The following LRMDA variants were observed in gnomAD, a reference collection of about 807,000 sequenced individuals.
LRMDA encodes leucine rich melanocyte differentiation associated.
A neutral mutation model predicts 29.8 loss-of-function variants in LRMDA; 18 were observed. The observed-to-expected ratio is 0.60, with a 90% confidence interval of 0.42 to 0.90. LRMDA has a LOEUF of 0.90. Ranked by LOEUF, LRMDA falls within the 40% of genes least tolerant of loss-of-function variation. The pLI is 0.00. For missense variants in LRMDA, 273 were observed against 273.9 expected (o/e 1.00, Z 0.02); for synonymous variants, 125 against 109.4 (o/e 1.14, Z -0.89).
intron 2 of LRMDA, among the ~76,000 whole-genome samples, chr10:75,522,998 T>C (rs1845377845): frequency 6.6e-6 from 1 of 152,200 alleles, no homozygotes; most frequent in Non-Finnish European, 1.5e-5. Flanking sequence ...TCAGATGACC[T>C]GGCCTGGCCC....
chr10:75,834,836 T>C (rs1844406126), intron 2 of LRMDA, among the ~76,000 whole-genome samples: 1 of 152,128 alleles, frequency 6.6e-6, no homozygotes, highest in African/African-American at 2.4e-5. Context: ...TCTAAGACAG[T>C]GTTGGTTTCT....
intron 2 of LRMDA, among the ~76,000 whole-genome samples, chr10:75,711,644 T>C (rs1352341441): frequency 3.9e-5 from 6 of 152,170 alleles, no homozygotes; most frequent in African/African-American, 1.4e-4. Flanking sequence ...TCATAGCTTA[T>C]TGTGAATAGG....
intron 2 of LRMDA, among the ~76,000 whole-genome samples, chr10:75,580,423 C>G (rs1261290518): frequency 6.6e-6 from 1 of 152,118 alleles, no homozygotes; most frequent in Non-Finnish European, 1.5e-5. Context: ...AAAGAGGACA[C>G]AAACAAATGG....
chr10:75,700,467 G>A (rs558090369), intron 2 of LRMDA, among the ~76,000 whole-genome samples: 74 of 140,370 alleles, frequency 5.3e-4, no homozygotes, highest in African/African-American at 1.9e-3. Flanking sequence ...ATGGAGTCTC[G>A]CTCTGTCGCC....
intron 5 of LRMDA, among the ~76,000 whole-genome samples, chr10:76,103,249 T>G (rs1397570820): frequency 6.6e-6 from 1 of 152,240 alleles, no homozygotes; most frequent in Non-Finnish European, 1.5e-5. Context: ...TTTCATAACC[T>G]TCTTGGATGG....
chr10:75,451,941 G>A (rs983327212), intron 2 of LRMDA, among the ~76,000 whole-genome samples: 4 of 151,966 alleles, frequency 2.6e-5, no homozygotes, highest in Admixed American at 1.3e-4. Flanking sequence ...CCATCGGTGA[G>A]GTGGTGCTGT....
intron 5 of LRMDA, among the ~76,000 whole-genome samples, chr10:76,205,511 G>A (rs1851517888): frequency 2.0e-5 from 3 of 152,146 alleles, no homozygotes; most frequent in African/African-American, 7.2e-5. Context: ...CTTCTACCTT[G>A]AGGCTCAGCT....
intron 2 of LRMDA, among the ~76,000 whole-genome samples, chr10:75,730,203 C>T (rs1842679458): frequency 6.6e-6 from 1 of 152,172 alleles, no homozygotes. Context: ...AGCACTGTGA[C>T]CATTCTTGTT....
At chr10:75,749,467 TACAC>T (rs1168417503) in intron 2 of LRMDA, among the ~76,000 whole-genome samples, 3 of 152,122 alleles carry the variant, frequency 2.0e-5, no homozygotes, top group African/African-American at 7.2e-5. Context: ...TATATGTACA[TACAC>T]ACACATATAT....
At chr10:76,448,351 C>T (rs773380793) in intron 6 of LRMDA, among the ~76,000 whole-genome samples, 4 of 152,120 alleles carry the variant, frequency 2.6e-5, no homozygotes, top group Non-Finnish European at 5.9e-5. Context: ...AAACATAAAT[C>T]ATCCAAATTT....
intron 2 of LRMDA, among the ~76,000 whole-genome samples, chr10:75,991,582 G>T (rs1026186136): frequency 2.0e-5 from 3 of 152,200 alleles, no homozygotes; most frequent in South Asian, 4.1e-4. Flanking sequence ...GCTATATAGT[G>T]GTGGCTTCTA....
intron 2 of LRMDA, among the ~76,000 whole-genome samples, chr10:75,747,133 A>T (rs556343868): frequency 6.6e-6 from 1 of 152,326 alleles, no homozygotes; most frequent in African/African-American, 2.4e-5. Flanking sequence ...CTAGTTTTTC[A>T]GTCTGAGAGT....
intron 2 of LRMDA, among the ~76,000 whole-genome samples, chr10:75,485,017 G>T (rs986433571): frequency 5.9e-5 from 9 of 152,220 alleles, no homozygotes; most frequent in Non-Finnish European, 1.2e-4. Context: ...AAACAGTTCA[G>T]ATAGAATTTG....
intron 6 of LRMDA, among the ~76,000 whole-genome samples, chr10:76,548,088 C>A (rs939066751): frequency 5.9e-5 from 9 of 152,094 alleles, no homozygotes; most frequent in Non-Finnish European, 1.3e-4. Context: ...AGCGGAAAAG[C>A]AAAATTTATA....
intron 6 of LRMDA, among the ~76,000 whole-genome samples, chr10:76,400,971 T>A (rs1564531123): frequency 6.6e-6 from 1 of 152,202 alleles, no homozygotes; most frequent in Non-Finnish European, 1.5e-5. Flanking sequence ...GCATCCCCAG[T>A]CTGAAAATCC....
At chr10:75,879,802 C>G (rs1396304036) in intron 2 of LRMDA, among the ~76,000 whole-genome samples, 1 of 152,106 alleles carries the variant, frequency 6.6e-6, no homozygotes, top group Non-Finnish European at 1.5e-5. Context: ...TGTGGATTTA[C>G]TTTTTCCATT....
At chr10:76,126,883 G>A (rs1849893353) in intron 5 of LRMDA, among the ~76,000 whole-genome samples, 1 of 152,196 alleles carries the variant, frequency 6.6e-6, no homozygotes, top group Non-Finnish European at 1.5e-5. Flanking sequence ...CTTCCTGATA[G>A]CACTGCCAAC....
intron 1 of LRMDA, among the ~76,000 whole-genome samples, chr10:75,436,705 A>G (rs1453321394): frequency 1.3e-5 from 2 of 151,986 alleles, no homozygotes; most frequent in Admixed American, 6.6e-5. Context: ...CCCTGACCTC[A>G]TGATCCTCCC....
intron 5 of LRMDA, among the ~76,000 whole-genome samples, chr10:76,158,987 G>T (rs1850593833): frequency 6.6e-6 from 1 of 152,028 alleles, no homozygotes. Context: ...AGGTTAAATG[G>T]ATCAAAAGGA....
Sources: allele counts gnomAD v4.1 joint callset (sites outside exome capture counted in the v4.1 genomes callset), GRCh38; gene constraint gnomAD v4.1.1; transcripts MANE v1.5; gene names NCBI Gene and HGNC (gene_info 2026-07-23, HGNC 2026-07-21).